ITGB5: variants seen among roughly 807,000 people sequenced by gnomAD.
ITGB5 encodes the protein integrin subunit beta 5.
ITGB5 carries 38 observed loss-of-function variants against 84.8 expected under a neutral mutation model. That is an observed-to-expected ratio of 0.45 (90% CI 0.35 to 0.59). ITGB5 has a LOEUF of 0.59. Among genes scored for constraint, ITGB5 ranks in the 20% least tolerant of loss-of-function variants. The pLI is 0.01. For missense variants in ITGB5, 905 were observed against 1,034.5 expected (o/e 0.87, Z 1.72); for synonymous variants, 393 against 414.4 (o/e 0.95, Z 0.63).
rs75937490 is a variant in ITGB5 at position 124,799,873 on chromosome 3, C to G, written c.1264-3056G>C. Among the ~76,000 whole-genome samples the G allele has an allele frequency of 2.6e-3, 397 of 152,272 alleles. 1 individual carries two copies. Among genetic ancestry groups the G allele is most frequent in the Middle Eastern group, 0.014 (4 of 294 alleles). On this transcript the variant is annotated intron_variant, in intron 9 of 14. Transcript: ENST00000296181. ...AGCCAGCCTGGCTTACTAAAGGGAC[C>G]CCTTGATGGTGATCCCCAAAGTGGT...
At chr3:124,831,079 G>A (rs115255352) in intron 5 of ITGB5, among the ~76,000 whole-genome samples, 4,494 of 152,194 alleles carry the variant, frequency 0.03, 99 homozygotes, top group South Asian at 0.045. Flanking sequence ...TACATCCCCT[G>A]GAATAGCCAA....
Position 124,796,603 on chromosome 3 carries a change from T to C in ITGB5, c.1478A>G (p.Tyr493Cys), listed in dbSNP as rs1422490924. The change falls in exon 10 of 15, where the codon TAC (tyrosine) becomes TGC (cysteine). Residue 493 changes from tyrosine (Y) to cysteine (C), a missense_variant. Tyr to Cys is a radical substitution (Grantham distance 194). Around this residue, in one of 3 missense-constraint regions of ITGB5, gnomAD observed 656 missense variants for 734.7 expected, o/e 0.89. Transcript: ENST00000296181. The stretch of plus-strand genomic sequence containing the variant: ...CTGGCACTCGCACCTGGTGCCCAGG[T>C]AGCCGGGGCTGCACTCACACAGGCC... Reference protein sequence around the residue: ...VCGLCECSPGYLGTRCECQDG... With the variant: ...VCGLCECSPGCLGTRCECQDG... 1.2e-6 allele frequency: 2 copies of C among 1,614,110 alleles called. No homozygotes were observed. Among genetic ancestry groups the C allele is most frequent in the Non-Finnish European group, 1.7e-6 (2 of 1,180,024 alleles).
Position 124,819,774 on chromosome 3 carries a change from A to C in ITGB5, c.1003T>G (p.Phe335Val), listed in dbSNP as rs758722720. Residue 335 changes from phenylalanine to valine, a missense_variant, in exon 7 of 15, where the codon TTT (phenylalanine) becomes GTT (valine). Phe to Val is a conservative substitution (Grantham distance 50). Transcript: ENST00000296181. The part of the protein sequence containing the change: ...KLAENNINLI[F>V]AVTKNHYMLY... ...ATATAATGGTTTTTTGTCACTGCAA[A>C]GATGAGGTTGATGTTGTTCTCTGCC... 19 of 1,614,028 alleles carry C rather than the reference A, an allele frequency of 1.2e-5. No individual in the cohort carries two copies. Among genetic ancestry groups the C allele is most frequent in the Admixed American group, 1.7e-5 (1 of 60,018 alleles).
chr3:124,858,398 T>G (rs908705702), intron 3 of ITGB5, among the ~76,000 whole-genome samples: 1 of 152,204 alleles, frequency 6.6e-6, no homozygotes, highest in Non-Finnish European at 1.5e-5. Flanking sequence ...GCGTGTTTCC[T>G]GAGCAACTTG....
intron 3 of ITGB5, among the ~76,000 whole-genome samples, 171 bp from the exon 4 acceptor site, chr3:124,848,729 A>G (rs779521364): frequency 1.3e-5 from 2 of 152,208 alleles, no homozygotes; most frequent in Non-Finnish European, 2.9e-5. Flanking sequence ...GGTGCTGAGA[A>G]TGGAGGCCTG....
chr3:124,788,862 C>T (rs184153819), intron 10 of ITGB5, among the ~76,000 whole-genome samples: 44 of 152,288 alleles, frequency 2.9e-4, no homozygotes, highest in Non-Finnish European at 5.0e-4. Context: ...GGTGATCCTG[C>T]CAAGAGGTCC....
At chr3:124,798,471 G>A (rs1430228071) in intron 9 of ITGB5, among the ~76,000 whole-genome samples, 1 of 152,188 alleles carries the variant, frequency 6.6e-6, no homozygotes, top group Non-Finnish European at 1.5e-5. Flanking sequence ...CCAGGCTGGA[G>A]TGCAGTGGCA....
At chr3:124,772,125 C>T (rs1017551059) in intron 11 of ITGB5, among the ~76,000 whole-genome samples, 16 of 152,228 alleles carry the variant, frequency 1.1e-4, no homozygotes, top group Admixed American at 3.9e-4. Flanking sequence ...ATGGCTGACT[C>T]TGTGCTGGGA....
intron 11 of ITGB5, among the ~76,000 whole-genome samples, chr3:124,770,584 G>C (rs1399120227): frequency 2.6e-5 from 4 of 152,196 alleles, no homozygotes; most frequent in Non-Finnish European, 4.4e-5. Context: ...CTGGACGGGA[G>C]CTCTGAGACC....
chr3:124,810,279 T>A (rs527976202), intron 8 of ITGB5, among the ~76,000 whole-genome samples: 1 of 152,316 alleles, frequency 6.6e-6, no homozygotes, highest in South Asian at 2.1e-4. Context: ...TCTATTTATA[T>A]GAAATTCAAA....
intron 3 of ITGB5, among the ~76,000 whole-genome samples, chr3:124,850,981 C>T (rs1162833322): frequency 6.6e-6 from 1 of 152,254 alleles, no homozygotes; most frequent in Non-Finnish European, 1.5e-5. Context: ...TGCCTGATGC[C>T]ATGATCTTTT....
chr3:124,885,908 C>G (rs1579344969), intron 1 of ITGB5, among the ~76,000 whole-genome samples: 2 of 152,358 alleles, frequency 1.3e-5, no homozygotes, highest in African/African-American at 4.8e-5. Flanking sequence ...GGGAACAGTC[C>G]TCCCTTCGGG....
In ITGB5 at chr3:124,816,095, C is replaced by A. The variant is rs552425374; in HGVS notation, c.1128+1526G>T. ...AGAGCAAGAGGACCCTTGGCTACAACAGGAGATGGGAGCAGTGGGAAGGGG... is the reference window on the plus strand; with the variant it reads ...AGAGCAAGAGGACCCTTGGCTACAAAAGGAGATGGGAGCAGTGGGAAGGGG... On this transcript the variant is annotated intron_variant, in intron 8 of 14. Transcript: ENST00000296181. Among the ~76,000 whole-genome samples, 44 of 152,216 alleles carry A rather than the reference C, an allele frequency of 2.9e-4. 1 individual carries two copies. The highest frequency in any genetic ancestry group is 1.1e-3 in the African/African-American group (44 of 41,514).
At chr3:124,784,076 C>T (rs535194024) in intron 10 of ITGB5, among the ~76,000 whole-genome samples, 2 of 152,322 alleles carry the variant, frequency 1.3e-5, no homozygotes, top group Non-Finnish European at 2.9e-5. Flanking sequence ...GGTGATATTG[C>T]TTTAAGCCAA....
chr3:124,794,806 AAGAG>A (rs10628116), intron 10 of ITGB5, among the ~76,000 whole-genome samples: 1 of 150,482 alleles, frequency 6.6e-6, no homozygotes, highest in Non-Finnish European at 1.5e-5. Context: ...ACAAGAAAGA[AAGAG>A]AGAGAGAGAG....
At chr3:124,868,482 G>A (rs2065426651) in intron 2 of ITGB5, among the ~76,000 whole-genome samples, 1 of 151,950 alleles carries the variant, frequency 6.6e-6, no homozygotes, top group Non-Finnish European at 1.5e-5. Flanking sequence ...AGCATGGTGA[G>A]AAAATGAAGG....
chr3:124,870,038 G>A (rs976558371), intron 2 of ITGB5, among the ~76,000 whole-genome samples: 3 of 152,134 alleles, frequency 2.0e-5, no homozygotes, highest in African/African-American at 7.2e-5. Flanking sequence ...CATGCTGGAG[G>A]GTGGGAACAA....
chr3:124,847,159 A>C (rs1318074072), intron 4 of ITGB5, among the ~76,000 whole-genome samples: 3 of 152,220 alleles, frequency 2.0e-5, no homozygotes, highest in Admixed American at 2.0e-4. Context: ...GACACTTAGT[A>C]AAAACTTAAG....
chr3:124,896,281 T>C (rs1214659054), intron 1 of ITGB5, among the ~76,000 whole-genome samples: 1 of 152,216 alleles, frequency 6.6e-6, no homozygotes, highest in African/African-American at 2.4e-5. Flanking sequence ...GGGCATTTGA[T>C]AGTTTCCTCT....
Sources: allele counts gnomAD v4.1 joint callset (sites outside exome capture counted in the v4.1 genomes callset), GRCh38; gene constraint gnomAD v4.1.1; regional missense constraint gnomAD v4.1.1; transcripts MANE v1.5; gene names NCBI Gene and HGNC (gene_info 2026-07-23, HGNC 2026-07-21).